CDH19: variants seen among roughly 807,000 people sequenced by gnomAD.
CDH19 encodes cadherin-19.
In CDH19, 67 loss-of-function variants were observed where a neutral mutation model predicts 64.2. That is an observed-to-expected ratio of 1.04 (90% confidence interval 0.86 to 1.28). The LOEUF (loss-of-function observed/expected upper bound fraction) is 1.28, where lower values mean the gene tolerates loss of function less well. Among genes scored for constraint, CDH19 ranks in the 50% most tolerant of loss-of-function variants. CDH19 has a pLI of 0.00. For missense variants in CDH19, 1,030 were observed against 929.0 expected, an observed-to-expected ratio of 1.11 and a Z score of -1.41; for synonymous variants, 346 against 319.3, an observed-to-expected ratio of 1.08 and a Z score of -0.89.
chr18:66,502,033 A>G lies in CDH19; in HGVS notation c.*2779T>C, dbSNP rs1016615840. The G allele has an allele frequency of 6.6e-6, 1 of 152,110 alleles. No homozygotes were observed. The highest frequency in any genetic ancestry group is 1.5e-5 in the Non-Finnish European group (1 of 68,010). The allele number at this position is 152,110 out of a possible 1,614,324, so 9.4% of individuals were successfully genotyped here. The stretch of plus-strand genomic sequence containing the variant: ...ATTAATGTGAAGCTGTGCTATTTTC[A>G]TAAATATTTTGCATTAATTTAGAGT... On this transcript the variant is annotated 3_prime_UTR_variant, in exon 12 of 12. Coordinates refer to ENST00000262150, the MANE Select transcript of CDH19 (RefSeq NM_021153.4).
chr18:66,527,592 C>CA (rs1298846470), intron 9 of CDH19, among the ~76,000 whole-genome samples: 2 of 151,894 alleles, frequency 1.3e-5, no homozygotes, highest in Non-Finnish European at 1.5e-5. Flanking sequence ...ACTAAAAATA[C>CA]AAAAAAATTT....
intron 1 of CDH19, among the ~76,000 whole-genome samples, chr18:66,598,694 A>C (rs575350396): frequency 6.6e-6 from 1 of 152,244 alleles, no homozygotes; most frequent in South Asian, 2.1e-4. Flanking sequence ...GGGTGGGGTG[A>C]GGAGAGGGCG....
At chr18:66,587,348 G>A (rs529565055) in intron 1 of CDH19, among the ~76,000 whole-genome samples, 5 of 152,156 alleles carry the variant, frequency 3.3e-5, no homozygotes, top group South Asian at 4.1e-4. Flanking sequence ...AAGGAACTGC[G>A]ATTGCTATCA....
At chr18:66,593,433 T>C (rs1225881946) in intron 1 of CDH19, among the ~76,000 whole-genome samples, 1 of 152,012 alleles carries the variant, frequency 6.6e-6, no homozygotes, top group Non-Finnish European at 1.5e-5. Context: ...AGATAAGCCA[T>C]GTACTTTTTG....
At chr18:66,559,369 A>C (rs1599014670) in intron 3 of CDH19, among the ~76,000 whole-genome samples, 1 of 151,976 alleles carries the variant, frequency 6.6e-6, no homozygotes, top group Non-Finnish European at 1.5e-5. Flanking sequence ...AATTGTGAAG[A>C]GTTAAAACTT....
chr18:66,565,012 A>AGCATTTTTT (rs1987857744), intron 3 of CDH19, among the ~76,000 whole-genome samples: 1 of 151,884 alleles, frequency 6.6e-6, no homozygotes, highest in Non-Finnish European at 1.5e-5. Context: ...TCTTCTATTT[A>AGCATTTTTT]TATCCTAAAC....
intron 1 of CDH19, among the ~76,000 whole-genome samples, chr18:66,582,775 A>G (rs1227780843): frequency 6.6e-6 from 1 of 151,942 alleles, no homozygotes; most frequent in East Asian, 1.9e-4. Flanking sequence ...AAATCCTAAG[A>G]TATACAGCAA....
chr18:66,521,526 TGTTTG>T lies in CDH19; in HGVS notation c.1458+8314_1458+8318del, dbSNP rs1326398271. Among the ~76,000 whole-genome samples the T allele has an allele frequency of 1.8e-3, 125 of 70,052 alleles. 1 individual carries two copies. The highest frequency in any genetic ancestry group is 0.019 in the Middle Eastern group (2 of 106). 46.0% of individuals were successfully genotyped at this position (70,052 alleles called of 152,430 possible). On this transcript the variant is annotated intron_variant, in intron 9 of 11. Transcript: ENST00000262150. ...CCTTTATTTATTTATTTATTTATTT[TGTTTG>T]TTTGTTTGTTTGTTTATTTGTTTTT...
In CDH19 at chr18:66,525,250, A is replaced by C. The variant is rs1391613783; in HGVS notation, c.1458+4595T>G. ...ATAACTTTTACTACCCTTTGTAATA[A>C]TTTTTAAAAACTACTTATACAGAGA... On this transcript the variant is annotated intron_variant, in intron 9 of 11. Coordinates refer to ENST00000262150, the MANE Select transcript of CDH19 (RefSeq NM_021153.4). 2.0e-5 allele frequency among the ~76,000 whole-genome samples: 3 copies of C among 152,222 alleles called. No individual in the cohort carries two copies. In the East Asian group the frequency reaches 5.8e-4, roughly 29 times the overall value.
chr18:66,532,072 T>C (rs1487866001), intron 8 of CDH19, among the ~76,000 whole-genome samples: 1 of 152,090 alleles, frequency 6.6e-6, no homozygotes, highest in Non-Finnish European at 1.5e-5. Context: ...GCTCAAGCGA[T>C]TCTCCTGCCT....
At chr18:66,589,501 G>C (rs2144623225) in intron 1 of CDH19, among the ~76,000 whole-genome samples, 1 of 151,938 alleles carries the variant, frequency 6.6e-6, no homozygotes, top group South Asian at 2.1e-4. Context: ...TGTTGTGATA[G>C]TAGCTACATA....
At chr18:66,520,739 A>G (rs561234689) in intron 9 of CDH19, among the ~76,000 whole-genome samples, 1 of 152,218 alleles carries the variant, frequency 6.6e-6, no homozygotes, top group African/African-American at 2.4e-5. Flanking sequence ...TTTACAATTC[A>G]AAGAATTTTC....
intron 5 of CDH19, among the ~76,000 whole-genome samples, chr18:66,550,196 T>C (rs1482528094): frequency 1.3e-5 from 2 of 152,110 alleles, no homozygotes; most frequent in African/African-American, 4.8e-5. Context: ...TAAAACAGTA[T>C]AACCTGAAAA....
chr18:66,514,948 T>G lies in CDH19; in HGVS notation c.1459-3263A>C, dbSNP rs190848923. Among the ~76,000 whole-genome samples, 36 of 151,762 alleles carry G rather than the reference T, an allele frequency of 2.4e-4. No individual in the cohort carries two copies. The East Asian group carries it at 2.7e-3, about 11-fold the overall frequency. ...ATTTGTGTCTGTTTCCTTACCTTCA[T>G]GGCAAGTCACAATGAAACCTACTTC... On this transcript the variant is annotated intron_variant, in intron 9 of 11. Coordinates refer to ENST00000262150, the MANE Select transcript of CDH19 (RefSeq NM_021153.4).
chr18:66,571,346 C>T (rs1395733181), intron 2 of CDH19, among the ~76,000 whole-genome samples: 1 of 151,436 alleles, frequency 6.6e-6, no homozygotes, highest in Non-Finnish European at 1.5e-5. Context: ...AGTTAATTAG[C>T]GGTTAAACTT....
chr18:66,552,356 G>T (rs894406998), intron 4 of CDH19, among the ~76,000 whole-genome samples: 36 of 152,086 alleles, frequency 2.4e-4, no homozygotes, highest in African/African-American at 8.4e-4. Context: ...TAGTATTTTT[G>T]ATTTATTGGA....
rs1176540332 is a variant in CDH19 at position 66,535,822 on chromosome 18, G to A, written c.1215-715C>T. Among the ~76,000 whole-genome samples, 11 of 144,226 alleles carry A rather than the reference G, an allele frequency of 7.6e-5. No homozygotes were observed. The East Asian group carries it at 7.9e-4, about 10-fold the overall frequency. 94.6% of individuals were successfully genotyped at this position (144,226 alleles called of 152,430 possible). On this transcript the variant is annotated intron_variant, in intron 7 of 11. Transcript: ENST00000262150. ...TATATATGTAATATATGATACATAT[G>A]TTTTATTATATATTACATACAATAT...
chr18:66,548,488 T>C (rs1200305367), intron 5 of CDH19, among the ~76,000 whole-genome samples: 2 of 79,286 alleles, frequency 2.5e-5, no homozygotes, highest in African/African-American at 1.5e-4. Context: ...GTTTAAAGTA[T>C]ACAAAGAAAA....
chr18:66,520,946 C>A (rs1385345152), intron 9 of CDH19, among the ~76,000 whole-genome samples: 1 of 151,956 alleles, frequency 6.6e-6, no homozygotes, highest in Admixed American at 6.6e-5. Context: ...TGAAAGATCA[C>A]TTTTCTTTTT....
Sources: allele counts gnomAD v4.1 joint callset (sites outside exome capture counted in the v4.1 genomes callset), GRCh38; gene constraint gnomAD v4.1.1; transcripts MANE v1.5; gene names NCBI Gene and HGNC (gene_info 2026-07-23, HGNC 2026-07-21).